Variants in MTUS2 observed in about 807,000 individuals in gnomAD.
MTUS2 encodes the protein microtubule associated scaffold protein 2.
Under a neutral mutation model 114.1 loss-of-function variants are expected in MTUS2, and 40 were observed. That is an observed-to-expected ratio of 0.35 (90% confidence interval 0.27 to 0.46). MTUS2 has a LOEUF of 0.46. Ranked by LOEUF, MTUS2 falls within the 20% of genes least tolerant of loss-of-function variation. MTUS2 has a pLI of 1.00. For synonymous variants in MTUS2, 688 were observed against 672.0 expected (o/e 1.02, Z -0.37); for missense variants, 1,679 against 1,705.4 (o/e 0.98, Z 0.27).
At chr13:29,147,706 T>G (rs1892494248) in intron 5 of MTUS2, among the ~76,000 whole-genome samples, 1 of 152,188 alleles carries the variant, frequency 6.6e-6, no homozygotes, top group African/African-American at 2.4e-5. Flanking sequence ...TTTCTGTTCT[T>G]GCATTAATTC....
intron 5 of MTUS2, among the ~76,000 whole-genome samples, chr13:29,170,667 G>A (rs1056437874): frequency 6.6e-6 from 1 of 152,260 alleles, no homozygotes; most frequent in Non-Finnish European, 1.5e-5. Flanking sequence ...CAAATGGGGC[G>A]GGGCATTTGC....
intron 5 of MTUS2, among the ~76,000 whole-genome samples, chr13:29,171,411 A>C (rs1448929214): frequency 2.0e-5 from 3 of 152,182 alleles, no homozygotes; most frequent in Non-Finnish European, 4.4e-5. Flanking sequence ...AGGCCAAAAT[A>C]GGATCTGTAC....
At chr13:29,030,312 G>A (rs1228917515) in intron 3 of MTUS2, among the ~76,000 whole-genome samples, 2 of 152,100 alleles carry the variant, frequency 1.3e-5, no homozygotes, top group Non-Finnish European at 2.9e-5. Context: ...TCATGGCCTC[G>A]CACCTCGAGC....
intron 5 of MTUS2, among the ~76,000 whole-genome samples, chr13:29,150,029 A>G (rs1892603663): frequency 6.6e-6 from 1 of 152,106 alleles, no homozygotes; most frequent in Non-Finnish European, 1.5e-5. Context: ...TAATTTTAAA[A>G]TAGTTTTTTC....
At chr13:28,956,836 G>A (rs1402476885) in intron 2 of MTUS2, among the ~76,000 whole-genome samples, 4 of 151,888 alleles carry the variant, frequency 2.6e-5, no homozygotes, top group Admixed American at 2.0e-4. Context: ...GGCGGGGACA[G>A]AGGGAAGAAG....
chr13:29,023,310 C>T (rs543044979), intron 2 of MTUS2, among the ~76,000 whole-genome samples: 25 of 152,218 alleles, frequency 1.6e-4, no homozygotes, highest in South Asian at 4.2e-4. Context: ...ATGCAGGCCT[C>T]GAAGGCCAGA....
intron 7 of MTUS2, among the ~76,000 whole-genome samples, chr13:29,354,060 G>T (rs1312970752): frequency 6.6e-6 from 1 of 152,120 alleles, no homozygotes; most frequent in Non-Finnish European, 1.5e-5. Flanking sequence ...TCAACTCAGA[G>T]AAACCTCCAG....
At chr13:29,035,491 G>A (rs543286574) in intron 4 of MTUS2, among the ~76,000 whole-genome samples, 1 of 152,230 alleles carries the variant, frequency 6.6e-6, no homozygotes, top group Non-Finnish European at 1.5e-5. Context: ...TCACTTGGCC[G>A]ATTGCAGGCA....
At chr13:29,335,652 T>A (rs1901024072) in intron 7 of MTUS2, among the ~76,000 whole-genome samples, 1 of 152,124 alleles carries the variant, frequency 6.6e-6, no homozygotes, top group Non-Finnish European at 1.5e-5. Flanking sequence ...CTCTTTCCCT[T>A]TATTTCTCAG....
chr13:29,294,033 A>C (rs1013757353), intron 6 of MTUS2, among the ~76,000 whole-genome samples: 16 of 152,132 alleles, frequency 1.1e-4, no homozygotes, highest in Admixed American at 7.9e-4. Context: ...GAATTTTTCC[A>C]GACATGTTTC....
In MTUS2 at chr13:28,905,586, G is replaced by A. The variant is rs572928259; in HGVS notation, c.-243+65736G>A. 2.0e-5 allele frequency among the ~76,000 whole-genome samples: 3 copies of A among 151,666 alleles called. No homozygotes were observed. The East Asian group carries it at 5.8e-4, about 29-fold the overall frequency. On this transcript the variant is annotated intron_variant, in intron 2 of 15. Coordinates refer to ENST00000612955, the MANE Select transcript of MTUS2 (RefSeq NM_001033602.4). ...GATTTTCGTATGTTGAACCAGCCTC[G>A]CATCCCAGGGATGAAGCCCACTTGA...
chr13:29,311,821 A>G (rs772337992), intron 6 of MTUS2, among the ~76,000 whole-genome samples: 2 of 152,210 alleles, frequency 1.3e-5, no homozygotes, highest in African/African-American at 4.8e-5. Context: ...TATCTAATCA[A>G]AGGTAGTCTT....
At chr13:28,974,721 T>C (rs1884010966) in intron 2 of MTUS2, among the ~76,000 whole-genome samples, 1 of 152,222 alleles carries the variant, frequency 6.6e-6, no homozygotes, top group Admixed American at 6.5e-5. Flanking sequence ...ACTTGCTGTT[T>C]ACCAGTTTTG....
intron 4 of MTUS2, among the ~76,000 whole-genome samples, chr13:29,058,826 T>G (rs1888272452): frequency 6.6e-6 from 1 of 151,828 alleles, no homozygotes; most frequent in Non-Finnish European, 1.5e-5. Context: ...TGGTTTTTTG[T>G]CCTTACGATA....
At chr13:29,246,790 A>G (rs1896942023) in intron 5 of MTUS2, among the ~76,000 whole-genome samples, 1 of 152,188 alleles carries the variant, frequency 6.6e-6, no homozygotes, top group South Asian at 2.1e-4. Context: ...TCCCATGTTC[A>G]TGGATGGGTA....
chr13:29,479,230 T>C (rs1880960429), intron 9 of MTUS2, among the ~76,000 whole-genome samples: 1 of 152,246 alleles, frequency 6.6e-6, no homozygotes. Flanking sequence ...ATGTAAATGA[T>C]GTGTCTGTGT....
intron 9 of MTUS2, among the ~76,000 whole-genome samples, chr13:29,462,863 A>C (rs1879608005): frequency 6.6e-6 from 1 of 152,148 alleles, no homozygotes; most frequent in Admixed American, 6.5e-5. Context: ...GGAGAAATTG[A>C]GAAGGTGCAC....
chr13:28,845,688 C>CTA (rs1053722834), intron 2 of MTUS2, among the ~76,000 whole-genome samples: 2 of 150,994 alleles, frequency 1.3e-5, no homozygotes, highest in Admixed American at 1.3e-4. Flanking sequence ...AGACAACTTG[C>CTA]TATACATGTT....
intron 2 of MTUS2, among the ~76,000 whole-genome samples, chr13:29,023,753 C>T (rs7327807): frequency 0.015 from 2,352 of 152,260 alleles, 65 homozygotes; most frequent in African/African-American, 0.054. Context: ...AGTTATTTTG[C>T]AATACATACC....
Sources: allele counts gnomAD v4.1 joint callset (sites outside exome capture counted in the v4.1 genomes callset), GRCh38; gene constraint gnomAD v4.1.1; transcripts MANE v1.5; gene names NCBI Gene and HGNC (gene_info 2026-07-23, HGNC 2026-07-21).